GPHN: variants seen among roughly 807,000 people sequenced by gnomAD.
GPHN encodes the protein gephyrin.
Under a neutral mutation model 95.5 loss-of-function variants are expected in GPHN, and 17 were observed. The ratio of observed to expected loss-of-function variants is 0.18; its 90% CI spans 0.12 to 0.27. The LOEUF is 0.27. GPHN is among the 10% of genes least tolerant of loss of function. GPHN has a pLI of 1.00. For missense variants in GPHN, 660 were observed against 978.1 expected, an observed-to-expected ratio of 0.67 and a Z score of 4.34; for synonymous variants, 320 against 322.5, an observed-to-expected ratio of 0.99 and a Z score of 0.08.
At chr14:66,769,222 ACTT>A (rs1177730771) in intron 2 of GPHN, among the ~76,000 whole-genome samples, 5 of 152,050 alleles carry the variant, frequency 3.3e-5, no homozygotes, top group Non-Finnish European at 5.9e-5. Context: ...CTAATCTTTC[ACTT>A]CTTAAAGTGT....
intron 8 of GPHN, among the ~76,000 whole-genome samples, chr14:66,951,114 C>T (rs1393988480): frequency 6.6e-5 from 10 of 151,994 alleles, no homozygotes; most frequent in Middle Eastern, 3.4e-3. Flanking sequence ...TTAGTAGAAA[C>T]GGGATTTCAT....
intron 4 of GPHN, among the ~76,000 whole-genome samples, chr14:66,870,568 T>A (rs530061133): frequency 1.3e-5 from 2 of 152,298 alleles, no homozygotes; most frequent in African/African-American, 4.8e-5. Context: ...CATCTATATA[T>A]TTTTATACCC....
chr14:66,818,409 G>A (rs1260870797), intron 3 of GPHN, among the ~76,000 whole-genome samples: 1 of 152,032 alleles, frequency 6.6e-6, no homozygotes, highest in Non-Finnish European at 1.5e-5. Context: ...AGCTCCATCC[G>A]TGTCCCTGCA....
At chr14:66,874,861 C>T (rs901878604) in intron 4 of GPHN, among the ~76,000 whole-genome samples, 9 of 152,100 alleles carry the variant, frequency 5.9e-5, no homozygotes, top group African/African-American at 1.9e-4. Context: ...AGAACTTCCC[C>T]AACGTAGCAA....
chr14:67,720,373 T>C, the GPHN span, among the ~76,000 whole-genome samples: 4 of 152,236 alleles, frequency 2.6e-5, no homozygotes, highest in African/African-American at 9.6e-5. Flanking sequence ...GTCATGCTCA[T>C]TTTTTAAGTT....
At chr14:66,960,043 C>T (rs1049770191) in intron 8 of GPHN, among the ~76,000 whole-genome samples, 5 of 151,526 alleles carry the variant, frequency 3.3e-5, no homozygotes, top group African/African-American at 4.8e-5. Flanking sequence ...TTTTCATTTC[C>T]GTTGTAATTT....
At chr14:67,451,643 G>A in the GPHN span, among the ~76,000 whole-genome samples, 4 of 152,190 alleles carry the variant, frequency 2.6e-5, no homozygotes, top group Non-Finnish European at 5.9e-5. Flanking sequence ...TGGAATGGCT[G>A]TATTTACCCA....
chr14:67,104,432 A>T (rs1012810886), intron 13 of GPHN, among the ~76,000 whole-genome samples: 1 of 152,198 alleles, frequency 6.6e-6, no homozygotes, highest in Non-Finnish European at 1.5e-5. Flanking sequence ...GAGAAGAATT[A>T]GTATGAGTTC....
chr14:67,584,754 TTGCCTTCC>T, the GPHN span, among the ~76,000 whole-genome samples: 1 of 152,244 alleles, frequency 6.6e-6, no homozygotes, highest in Non-Finnish European at 1.5e-5. Context: ...GACACAGTCC[TTGCCTTCC>T]TGGAGCTTCC....
the GPHN span, chr14:67,722,668 C>A: frequency 8.7e-6 from 14 of 1,613,606 alleles, no homozygotes; most frequent in Non-Finnish European, 1.2e-5. Flanking sequence ...GGACTGCTCA[C>A]CTCCTTCTTC....
the GPHN span, chr14:67,646,892 AG>A: frequency 6.7e-7 from 1 of 1,499,092 alleles, no homozygotes; most frequent in South Asian, 1.1e-5. Flanking sequence ...CTTTAAACTA[AG>A]GACTCCTCCC....
At chr14:67,416,799 G>A in the GPHN span, among the ~76,000 whole-genome samples, 2 of 152,170 alleles carry the variant, frequency 1.3e-5, no homozygotes, top group Non-Finnish European at 2.9e-5. Context: ...AGCATCTTTT[G>A]TACTAATTCC....
intron 2 of GPHN, among the ~76,000 whole-genome samples, chr14:66,764,416 C>T (rs1331873685): frequency 6.6e-6 from 1 of 151,858 alleles, no homozygotes; most frequent in Non-Finnish European, 1.5e-5. Context: ...TAGATTAACT[C>T]ATATAGTTAA....
At chr14:66,580,531 A>C (rs971010895) in intron 1 of GPHN, among the ~76,000 whole-genome samples, 2 of 151,864 alleles carry the variant, frequency 1.3e-5, no homozygotes, top group African/African-American at 4.8e-5. Flanking sequence ...TCACTGGAAT[A>C]TGAAGGATCA....
At chr14:67,019,631 G>C in intron 9 of GPHN, among the ~76,000 whole-genome samples, 1 of 151,886 alleles carries the variant, frequency 6.6e-6, no homozygotes, top group East Asian at 1.9e-4. Flanking sequence ...TATTTTCTTT[G>C]TTTCTCTCCT....
chr14:67,138,887 C>CTTTTT lies in GPHN; in HGVS notation c.1749-4450_1749-4446dup, dbSNP rs34446302. ...ATACCTCTTGCCACAGCATCCTCTC[C>CTTTTT]TTTTTTTTTTTTTTTTTTTTTTTTT... On this transcript the variant is annotated intron_variant, in intron 17 of 22. Coordinates refer to ENST00000478722, the MANE Select transcript of GPHN (RefSeq NM_020806.5). 2.0e-4 allele frequency among the ~76,000 whole-genome samples: 19 copies of CTTTTT among 94,684 alleles called. 1 individual carries two copies. The highest frequency in any genetic ancestry group is 1.1e-3 in the African/African-American group (18 of 16,826). The allele number at this position is 94,684 out of a possible 152,430, so 62.1% of individuals were successfully genotyped here.
chr14:67,006,011 AAAGAG>A (rs1222706576), intron 9 of GPHN, among the ~76,000 whole-genome samples: 2 of 151,784 alleles, frequency 1.3e-5, no homozygotes, highest in African/African-American at 2.4e-5. Context: ...GCAATGGAAA[AAAGAG>A]AAGAGAAGGA....
the GPHN span, chr14:67,385,927 T>C: frequency 6.6e-6 from 1 of 152,226 alleles, no homozygotes; most frequent in Non-Finnish European, 1.5e-5. Flanking sequence ...ATTCTACTTT[T>C]ACACCAAGAA....
chr14:66,788,174 T>C (rs997607163), intron 3 of GPHN, among the ~76,000 whole-genome samples: 5 of 152,132 alleles, frequency 3.3e-5, no homozygotes, highest in Admixed American at 3.3e-4. Flanking sequence ...CCAGACATGG[T>C]GGCGGGCACC....
Sources: gnomAD v4.1 joint callset for allele counts (sites outside exome capture counted in the v4.1 genomes callset) on GRCh38, gnomAD v4.1.1 for gene constraint, MANE v1.5 for transcripts, NCBI Gene and HGNC (gene_info 2026-07-23, HGNC 2026-07-21) for gene names.